Variants in TSPAN15 observed in about 807,000 individuals in gnomAD.
The protein encoded by TSPAN15 is tetraspanin-15.
A neutral mutation model predicts 34.5 loss-of-function variants in TSPAN15; 20 were observed. That is an observed-to-expected ratio of 0.58 (90% CI 0.41 to 0.84). TSPAN15 has a LOEUF of 0.84. Among genes scored for constraint, TSPAN15 ranks in the 40% least tolerant of loss-of-function variants. The pLI, the probability that TSPAN15 is intolerant of heterozygous loss-of-function variation, is 0.00. For missense variants in TSPAN15, 313 were observed against 386.1 expected (o/e 0.81, Z 1.59); for synonymous variants, 155 against 153.9 (o/e 1.01, Z -0.05).
chr10:69,489,068 A>C (rs35765332), intron 3 of TSPAN15, among the ~76,000 whole-genome samples: 1 of 152,146 alleles, frequency 6.6e-6, no homozygotes, highest in Non-Finnish European at 1.5e-5. Flanking sequence ...TCTCAACTGC[A>C]TAAGAGAGAC....
chr10:69,498,521 G>C (rs911617961), intron 5 of TSPAN15, 125 bp downstream of exon 5: 1 of 754,980 alleles, frequency 1.3e-6, no homozygotes, highest in Non-Finnish European at 2.2e-6. Flanking sequence ...GTAGGAGTTG[G>C]TGGCAGAGCG....
chr10:69,531,768 C>T, the TSPAN15 span, among the ~76,000 whole-genome samples: 1 of 152,050 alleles, frequency 6.6e-6, no homozygotes, highest in Non-Finnish European at 1.5e-5. Context: ...ACACGATTAT[C>T]TCAATAGATG....
intron 1 of TSPAN15, among the ~76,000 whole-genome samples, chr10:69,478,401 C>T (rs921911671): frequency 4.6e-5 from 7 of 152,186 alleles, no homozygotes; most frequent in Non-Finnish European, 8.8e-5. Context: ...TGGTCCAACA[C>T]GGAGCCCTGG....
rs766895650 is a variant in TSPAN15, at chr10:69,483,918, G to T, written c.282+42G>T. 1.9e-6 allele frequency: 3 copies of T among 1,584,070 alleles called. No individual in the cohort carries two copies. The South Asian group carries it at 3.4e-5, about 18-fold the overall frequency. On this transcript the variant is annotated intron_variant, in intron 2 of 7. Coordinates refer to ENST00000373290, the MANE Select transcript of TSPAN15 (RefSeq NM_012339.5). ...ACCCCTCAGCCGGGACTCCCCAGGAGAGCTGGGGCGCCTGCCCCTGTGCCC... is the reference window on the plus strand; with the variant it reads ...ACCCCTCAGCCGGGACTCCCCAGGATAGCTGGGGCGCCTGCCCCTGTGCCC...
the TSPAN15 span, among the ~76,000 whole-genome samples, chr10:69,537,200 C>T: frequency 1.3e-5 from 2 of 152,226 alleles, no homozygotes; most frequent in Non-Finnish European, 2.9e-5. Flanking sequence ...GACCAGGCTG[C>T]AGGGCAACAA....
intron 5 of TSPAN15, 100 bp downstream of exon 5, chr10:69,498,496 G>T: frequency 1.0e-6 from 1 of 954,938 alleles, no homozygotes; most frequent in South Asian, 1.5e-5. Context: ...GGTGGTGTGG[G>T]TGGATGGCAG....
chr10:69,463,049 G>A (rs1841305038), intron 1 of TSPAN15, among the ~76,000 whole-genome samples: 1 of 152,206 alleles, frequency 6.6e-6, no homozygotes, highest in Non-Finnish European at 1.5e-5. Flanking sequence ...AGGGGAGTCT[G>A]TGAGTTCTAG....
intron 1 of TSPAN15, among the ~76,000 whole-genome samples, chr10:69,454,202 A>G (rs1841033717): frequency 6.6e-6 from 1 of 152,164 alleles, no homozygotes; most frequent in Non-Finnish European, 1.5e-5. Flanking sequence ...TACCTTCTGT[A>G]AGACTTTTTG....
the TSPAN15 span, among the ~76,000 whole-genome samples, chr10:69,518,476 T>A: frequency 6.6e-6 from 1 of 152,222 alleles, no homozygotes; most frequent in Non-Finnish European, 1.5e-5. Context: ...TAAGGTGGAG[T>A]GCAGTGATGT....
chr10:69,503,873 T>C (rs1842263589), intron 5 of TSPAN15, among the ~76,000 whole-genome samples: 1 of 152,140 alleles, frequency 6.6e-6, no homozygotes, highest in Non-Finnish European at 1.5e-5. Flanking sequence ...TCCCTATGCC[T>C]AAATTAATCA....
chr10:69,525,266 A>T, the TSPAN15 span, among the ~76,000 whole-genome samples: 2 of 148,020 alleles, frequency 1.4e-5, no homozygotes, highest in Non-Finnish European at 3.0e-5. Context: ...AAAATTATCA[A>T]CAAAAGGAGA....
chr10:69,530,810 CT>C, the TSPAN15 span, among the ~76,000 whole-genome samples: 157 of 68,632 alleles, frequency 2.3e-3, 4 homozygotes, highest in African/African-American at 8.3e-3. Flanking sequence ...CTCTCTCTCT[CT>C]CTCTCTCTCT....
intron 6 of TSPAN15, among the ~76,000 whole-genome samples, chr10:69,505,085 A>G (rs1380233344): frequency 2.0e-5 from 3 of 152,214 alleles, no homozygotes; most frequent in East Asian, 1.9e-4. Flanking sequence ...CTTGAGAGCC[A>G]TAGACCAGCA....
intron 1 of TSPAN15, among the ~76,000 whole-genome samples, chr10:69,468,732 G>C (rs1841441896): frequency 6.6e-6 from 1 of 151,394 alleles, no homozygotes; most frequent in Non-Finnish European, 1.5e-5. Flanking sequence ...TTCCCAGAAA[G>C]GGCATTCTTC....
intron 1 of TSPAN15, among the ~76,000 whole-genome samples, chr10:69,453,274 A>C (rs1339592043): frequency 6.6e-6 from 1 of 152,158 alleles, no homozygotes; most frequent in East Asian, 1.9e-4. Context: ...GTGCCCTGGC[A>C]TAGGTATTTA....
chr10:69,467,065 T>G (rs1004432751), intron 1 of TSPAN15, among the ~76,000 whole-genome samples: 3 of 152,196 alleles, frequency 2.0e-5, no homozygotes, highest in African/African-American at 7.2e-5. Context: ...GGTTTCATGG[T>G]CATGTTGGCT....
downstream of TSPAN15, among the ~76,000 whole-genome samples, chr10:69,509,885 T>C (rs1265138779): frequency 6.6e-6 from 1 of 152,180 alleles, no homozygotes; most frequent in Non-Finnish European, 1.5e-5. Context: ...AGATCAGATA[T>C]TGTAGATGTG....
chr10:69,487,288 C>T lies in TSPAN15; in HGVS notation c.357+2073C>T, dbSNP rs1841875142. On this transcript the variant is annotated intron_variant, in intron 3 of 7. Coordinates refer to ENST00000373290, the MANE Select transcript of TSPAN15 (RefSeq NM_012339.5). ...CATCCTATCAATGGAGTCATGGAGG[C>T]ACACAGGAGTTAAGAATTCCCCCGA... 2.0e-5 allele frequency among the ~76,000 whole-genome samples: 3 copies of T among 152,158 alleles called. No individual in the cohort carries two copies. In the South Asian group the frequency reaches 6.2e-4, roughly 32 times the overall value.
chr10:69,484,459 C>T (rs547440690), intron 2 of TSPAN15, among the ~76,000 whole-genome samples: 28 of 152,308 alleles, frequency 1.8e-4, no homozygotes, highest in African/African-American at 6.0e-4. Context: ...TACCTGTATC[C>T]CATTATTGTG....
Sources: allele counts gnomAD v4.1 joint callset (sites outside exome capture counted in the v4.1 genomes callset), GRCh38; gene constraint gnomAD v4.1.1; transcripts MANE v1.5; gene names NCBI Gene and HGNC (gene_info 2026-07-23, HGNC 2026-07-21).